Variants in MON2 observed in about 807,000 individuals in gnomAD.
MON2 encodes the protein MON2 regulator of endosome-to-Golgi trafficking, also known as protein MON2 homolog.
MON2 carries 84 observed loss-of-function variants against 208.6 expected under a neutral mutation model. The observed-to-expected ratio is 0.40, with a 90% CI of 0.34 to 0.48. The LOEUF (loss-of-function observed/expected upper bound fraction) is 0.48. MON2 is among the 20% of genes least tolerant of loss of function. The probability of loss-of-function intolerance (pLI) is 0.59; values close to 1 mark genes in which losing one functional copy is unlikely to be tolerated. For missense variants in MON2, 1,611 were observed against 2,015.4 expected (o/e 0.80, Z 3.84); for synonymous variants, 660 against 694.0 (o/e 0.95, Z 0.77).
At position 62,598,431 on chromosome 12, in the gene MON2, G is replaced by T. The variant is rs2075568948; in HGVS notation, c.*5682G>T. On this transcript the variant is annotated 3_prime_UTR_variant, in exon 35 of 35. Transcript: ENST00000393630. ...CTTCCTTCTATGATGTTTACTAGAT[G>T]GAGAAAAATACTCCATACCTATATT... 1 of 151,924 alleles carries T rather than the reference G, an allele frequency of 6.6e-6. No homozygotes were observed. Among genetic ancestry groups the T allele is most frequent in the East Asian group, 1.9e-4 (1 of 5,198 alleles). 9.4% of individuals were successfully genotyped at this position (151,924 alleles called of 1,614,324 possible). A position where few individuals can be genotyped will look rare whatever the true frequency, so the allele number is the denominator to read the frequency against.
At chr12:62,508,258 T>G (rs377752807) in intron 7 of MON2, 28 bp from the exon 8 acceptor site, 11 of 1,563,028 alleles carry the variant, frequency 7.0e-6, no homozygotes, top group Non-Finnish European at 9.6e-6. Context: ...GTTAATTATT[T>G]TTTTCTTTCT....
chr12:62,467,953 G>A (rs2068595769), intron 1 of MON2, among the ~76,000 whole-genome samples: 1 of 146,610 alleles, frequency 6.8e-6, no homozygotes, highest in South Asian at 2.2e-4. Flanking sequence ...TTTGAGCTTC[G>A]GGTTTTTTTT....
chr12:62,486,948 T>A (rs1461931663), intron 2 of MON2, among the ~76,000 whole-genome samples: 1 of 152,146 alleles, frequency 6.6e-6, no homozygotes, highest in Non-Finnish European at 1.5e-5. Flanking sequence ...CGGCATAGAT[T>A]TCTAGTCAAC....
intron 15 of MON2, 52 bp downstream of exon 15, chr12:62,537,315 T>G: frequency 7.7e-7 from 1 of 1,291,962 alleles, no homozygotes; most frequent in Non-Finnish European, 1.1e-6. Context: ...AGGAAACTTG[T>G]TGTACCTATC....
At chr12:62,558,578 A>G (rs2074082594) in intron 25 of MON2, among the ~76,000 whole-genome samples, 1 of 152,208 alleles carries the variant, frequency 6.6e-6, no homozygotes, top group Non-Finnish European at 1.5e-5. Context: ...CTTTGATGGC[A>G]ACAGGTAGAA....
intron 1 of MON2, among the ~76,000 whole-genome samples, chr12:62,477,875 A>G (rs570460258): frequency 2.5e-4 from 38 of 152,322 alleles, no homozygotes; most frequent in Non-Finnish European, 4.7e-4. Flanking sequence ...AAATGGTGTC[A>G]TATGAAATTT....
At position 62,553,899 on chromosome 12, in the gene MON2, A is replaced by G. The variant is rs906976747; in HGVS notation, c.3210+725A>G. 4.6e-5 allele frequency among the ~76,000 whole-genome samples: 7 copies of G among 152,276 alleles called. No homozygotes were observed. In the East Asian group the frequency reaches 1.4e-3, roughly 29 times the overall value. On this transcript the variant is annotated intron_variant, in intron 24 of 34. Coordinates refer to ENST00000393630, the MANE Select transcript of MON2 (RefSeq NM_015026.3). ...CCCAAAATGTCTTCTTAAAAAATTA[A>G]TGGGCTGGGCATGGTGACTGACACC... is the stretch of plus-strand genomic sequence containing the variant.
intron 7 of MON2, among the ~76,000 whole-genome samples, chr12:62,504,449 G>C (rs867275211): frequency 2.0e-5 from 3 of 151,728 alleles, no homozygotes; most frequent in African/African-American, 7.3e-5. Flanking sequence ...GGGTTTCACC[G>C]TGTTGGCCAG....
intron 1 of MON2, among the ~76,000 whole-genome samples, chr12:62,477,388 C>G (rs2069147139): frequency 6.6e-6 from 1 of 151,930 alleles, no homozygotes; most frequent in African/African-American, 2.4e-5. Flanking sequence ...ATTCTCATTC[C>G]TAACTCTAGG....
At chr12:62,500,667 T>C (rs2070776999) in intron 5 of MON2, 116 bp from the exon 6 acceptor site, 1 of 569,850 alleles carries the variant, frequency 1.8e-6, no homozygotes, top group East Asian at 3.6e-5. Context: ...AATTCTGAAA[T>C]TATAACTTCA....
At chr12:62,473,717 A>G (rs1209460275) in intron 1 of MON2, among the ~76,000 whole-genome samples, 6 of 151,716 alleles carry the variant, frequency 4.0e-5, no homozygotes, top group African/African-American at 1.5e-4. Context: ...CTGTAGGCAG[A>G]TGCCACCACG....
chr12:62,547,577 T>C (rs1474219266), intron 22 of MON2, among the ~76,000 whole-genome samples: 1 of 152,226 alleles, frequency 6.6e-6, no homozygotes, highest in Non-Finnish European at 1.5e-5. Context: ...TCAAATACTA[T>C]ACATGGTAGT....
Position 62,498,946 on chromosome 12 carries a change from T to G in MON2, c.463T>G (p.Phe155Val). 1 of 1,609,026 alleles carries G rather than the reference T, an allele frequency of 6.2e-7. No individual in the cohort carries two copies. Among genetic ancestry groups the G allele is most frequent in the Non-Finnish European group, 8.5e-7 (1 of 1,178,196 alleles). ...AATCGTTCTTTGTTTTCGACTACACTTCACAAAAGATAATATTACAAATAA... is the reference window on the plus strand; with the variant it reads ...AATCGTTCTTTGTTTTCGACTACACGTCACAAAAGATAATATTACAAATAA... ...KAIVLCFRLH[F>V]TKDNITNNTA... Residue 155 changes from phenylalanine (F) to valine (V), a missense_variant, in exon 5 of 35, where the codon TTC becomes GTC. By Grantham distance (50) the Phe-to-Val change is conservative. Coordinates refer to ENST00000393630, the MANE Select transcript of MON2 (RefSeq NM_015026.3).
chr12:62,490,589 G>A (rs188180424), intron 2 of MON2, among the ~76,000 whole-genome samples: 239 of 152,126 alleles, frequency 1.6e-3, no homozygotes, highest in African/African-American at 5.3e-3. Flanking sequence ...AAAAGGAAAA[G>A]CAATAACTTT....
At chr12:62,492,404 GC>G (rs34433024) in intron 2 of MON2, among the ~76,000 whole-genome samples, 15,889 of 127,744 alleles carry the variant, frequency 0.12, 1,172 homozygotes, top group Middle Eastern at 0.3. Context: ...TCGCTCTGTC[GC>G]CCAGGCCGGA....
intron 26 of MON2, among the ~76,000 whole-genome samples, chr12:62,564,227 G>A (rs1174081857): frequency 6.6e-6 from 1 of 152,004 alleles, no homozygotes; most frequent in African/African-American, 2.4e-5. Context: ...AAACTAATGT[G>A]TTATCTAATA....
At chr12:62,508,137 A>AAAACATAATAAT (rs1433475616) in intron 7 of MON2, 149 bp from the exon 8 acceptor site, 79 of 649,814 alleles carry the variant, frequency 1.2e-4, no homozygotes, top group Non-Finnish European at 2.6e-6. Context: ...CGTAAACTAT[A>AAAACATAATAAT]AAATAATAAA....
chr12:62,569,911 G>A (rs1369049072), intron 29 of MON2, among the ~76,000 whole-genome samples: 1 of 152,176 alleles, frequency 6.6e-6, no homozygotes, highest in Non-Finnish European at 1.5e-5. Context: ...AATAATTTGT[G>A]TGGAAGATGA....
chr12:62,520,880 TATTA>T (rs1201661991), intron 8 of MON2, among the ~76,000 whole-genome samples: 5 of 142,166 alleles, frequency 3.5e-5, no homozygotes, highest in Non-Finnish European at 7.7e-5. Flanking sequence ...TATGTAAAGA[TATTA>T]TTTTTTTTGA....
Sources: allele counts gnomAD v4.1 joint callset (sites outside exome capture counted in the v4.1 genomes callset), GRCh38; gene constraint gnomAD v4.1.1; transcripts MANE v1.5; gene names NCBI Gene and HGNC (gene_info 2026-07-23, HGNC 2026-07-21).